Variants in ADA2 observed in about 807,000 individuals in gnomAD.
The protein encoded by ADA2 is adenosine deaminase CECR1.
ADA2 carries 29 observed loss-of-function variants against 44.2 expected under a neutral mutation model. That is an observed-to-expected ratio of 0.66 (90% CI 0.49 to 0.89). The LOEUF (loss-of-function observed/expected upper bound fraction) is 0.89. ADA2 is among the 40% of genes least tolerant of loss of function. The probability of loss-of-function intolerance (pLI) is 0.00; values close to 1 mark genes in which losing one functional copy is unlikely to be tolerated. For synonymous variants in ADA2, 215 were observed against 234.9 expected (o/e 0.92, Z 0.77); for missense variants, 637 against 644.8 (o/e 0.99, Z 0.13).
intron 3 of ADA2, among the ~76,000 whole-genome samples, chr22:17,205,530 G>A (rs929156381): frequency 1.3e-5 from 2 of 152,218 alleles, no homozygotes; most frequent in Non-Finnish European, 2.9e-5. Context: ...ACCCAGGTTT[G>A]TATCCCCAAC....
chr22:17,193,323 C>G (rs2123658874), intron 4 of ADA2: 1 of 478,104 alleles, frequency 2.1e-6, no homozygotes, highest in Non-Finnish European at 3.8e-6. Context: ...CAGCTCATGT[C>G]CCCTTTTTGT....
chr22:17,190,383 T>C (rs1253189931), intron 5 of ADA2, among the ~76,000 whole-genome samples: 1 of 152,128 alleles, frequency 6.6e-6, no homozygotes, highest in African/African-American at 2.4e-5. Flanking sequence ...GTCGGGGGTG[T>C]AGACATGGAT....
intron 4 of ADA2, among the ~76,000 whole-genome samples, chr22:17,196,559 TCCTGAC>T (rs1180267781): frequency 6.6e-6 from 1 of 152,106 alleles, no homozygotes; most frequent in African/African-American, 2.4e-5. Context: ...TAGGGTTCTG[TCCTGAC>T]CTTGACCACC....
At chr22:17,189,850 C>T (rs1342531388) in intron 6 of ADA2, 92 bp downstream of exon 6, 16 of 871,564 alleles carry the variant, frequency 1.8e-5, no homozygotes, top group East Asian at 7.4e-5. Flanking sequence ...AGGCACATTG[C>T]GCTCCCTTCC....
At chr22:17,205,052 C>G (rs2062338773) in intron 3 of ADA2, among the ~76,000 whole-genome samples, 1 of 151,732 alleles carries the variant, frequency 6.6e-6, no homozygotes, top group South Asian at 2.1e-4. Flanking sequence ...GAATCTTGCT[C>G]TGTCGCCCAG....
intron 7 of ADA2, among the ~76,000 whole-genome samples, chr22:17,186,554 C>T (rs555844627): frequency 1.3e-5 from 2 of 151,862 alleles, no homozygotes; most frequent in African/African-American, 2.4e-5. Flanking sequence ...TGCACTCCAG[C>T]CTGGGCGATA....
chr22:17,193,132 G>A, intron 4 of ADA2: 1 of 1,400,890 alleles, frequency 7.1e-7, no homozygotes, highest in South Asian at 1.2e-5. Context: ...GCTTCCAGAA[G>A]TTCCTGGTCC....
At chr22:17,185,103 T>C (rs1029466124) in intron 7 of ADA2, among the ~76,000 whole-genome samples, 7 of 150,040 alleles carry the variant, frequency 4.7e-5, no homozygotes, top group Non-Finnish European at 1.0e-4. Context: ...TTTAAAGATT[T>C]CTTTTTCTTT....
rs760855696 is a variant in ADA2, at chr22:17,191,662, T to C, written c.881+21A>G. On this transcript the variant is annotated intron_variant, in intron 5 of 9. Coordinates refer to ENST00000399837, the MANE Select transcript of ADA2 (RefSeq NM_001282225.2). ...CATCCCAGCCTCCCAACCCGAGCTTTTCAGCAATATTCTCTCTCACCTGTG... is the reference window on the plus strand; with the variant it reads ...CATCCCAGCCTCCCAACCCGAGCTTCTCAGCAATATTCTCTCTCACCTGTG... The C allele has an allele frequency of 2.5e-6, 4 of 1,612,182 alleles. No individual in the cohort carries two copies. In the Admixed American group the frequency reaches 6.7e-5, roughly 27 times the overall value.
chr22:17,205,992 C>A (rs1404962791), intron 3 of ADA2, among the ~76,000 whole-genome samples: 4 of 152,082 alleles, frequency 2.6e-5, no homozygotes, highest in Admixed American at 1.3e-4. Context: ...AGAATGAGAC[C>A]CTGTCTTAAA....
chr22:17,192,318 G>C (rs1269073365), intron 4 of ADA2, among the ~76,000 whole-genome samples: 1 of 152,108 alleles, frequency 6.6e-6, no homozygotes, highest in African/African-American at 2.4e-5. Context: ...TCTGCATAAT[G>C]GTTGAAGAGC....
intron 3 of ADA2, among the ~76,000 whole-genome samples, chr22:17,205,415 G>C (rs955576131): frequency 1.3e-5 from 2 of 152,100 alleles, no homozygotes; most frequent in Non-Finnish European, 2.9e-5. Context: ...TGCCCGGCTT[G>C]AGAAAATCAG....
At chr22:17,194,180 G>A (rs913875894) in intron 4 of ADA2, among the ~76,000 whole-genome samples, 24 of 152,168 alleles carry the variant, frequency 1.6e-4, no homozygotes, top group Non-Finnish European at 2.4e-4. Context: ...GCCTGGGGGC[G>A]GGGGTTCAAG....
At chr22:17,198,036 C>T (rs1336153399) in intron 4 of ADA2, among the ~76,000 whole-genome samples, 2 of 143,940 alleles carry the variant, frequency 1.4e-5, no homozygotes, top group Admixed American at 1.4e-4. Context: ...GAAACTCCGT[C>T]TCAAAAAAAA....
chr22:17,195,895 A>C (rs8138890), intron 4 of ADA2, among the ~76,000 whole-genome samples: 1 of 151,480 alleles, frequency 6.6e-6, no homozygotes, highest in Non-Finnish European at 1.5e-5. Context: ...TTACAGGCAC[A>C]TGCCACCACG....
intron 4 of ADA2, among the ~76,000 whole-genome samples, chr22:17,203,224 A>G (rs1371379329): frequency 6.6e-6 from 1 of 151,696 alleles, no homozygotes; most frequent in Non-Finnish European, 1.5e-5. Flanking sequence ...GGCTCCTTTT[A>G]TTTTTCAAAC....
chr22:17,216,069 C>A (rs1039120924), intron 1 of ADA2, among the ~76,000 whole-genome samples: 10 of 151,864 alleles, frequency 6.6e-5, no homozygotes, highest in Non-Finnish European at 1.5e-5. Flanking sequence ...CACCTGTAAT[C>A]CCAACTACAC....
In ADA2 at chr22:17,183,059, A is replaced by C. The variant is rs139877469; in HGVS notation, c.1082-298T>G. ...AATTGACCAAGGATGTTCACACAGTAAGTAGCAAAACCGAGTTTTTTGTTG... is the reference window on the plus strand; with the variant it reads ...AATTGACCAAGGATGTTCACACAGTCAGTAGCAAAACCGAGTTTTTTGTTG... On this transcript the variant is annotated intron_variant, in intron 7 of 9. Transcript: ENST00000399837. Among the ~76,000 whole-genome samples the C allele has an allele frequency of 2.8e-3, 423 of 152,268 alleles. 1 individual carries two copies. The highest frequency in any genetic ancestry group is 5.1e-3 in the Non-Finnish European group (344 of 68,022).
chr22:17,199,346 C>A (rs1326906647), intron 4 of ADA2, among the ~76,000 whole-genome samples: 1 of 142,352 alleles, frequency 7.0e-6, no homozygotes. Flanking sequence ...TCCCTCCGAT[C>A]CAACCGCTCA....
Sources: gnomAD v4.1 joint callset for allele counts (sites outside exome capture counted in the v4.1 genomes callset) on GRCh38, gnomAD v4.1.1 for gene constraint, MANE v1.5 for transcripts, NCBI Gene and HGNC (gene_info 2026-07-23, HGNC 2026-07-21) for gene names.